The following CDC42BPB variants were observed in gnomAD, a reference collection of about 807,000 sequenced individuals.
CDC42BPB encodes serine/threonine-protein kinase MRCK beta.
In CDC42BPB, 37 loss-of-function variants were observed where a neutral mutation model predicts 214.9. The observed-to-expected ratio is 0.17, with a 90% CI of 0.13 to 0.23. CDC42BPB has a LOEUF of 0.23. CDC42BPB is among the 10% of genes least tolerant of loss of function. The pLI is 1.00. For synonymous variants in CDC42BPB, 931 were observed against 884.0 expected (o/e 1.05, Z -0.94); for missense variants, 1,694 against 2,227.0 (o/e 0.76, Z 4.82).
intron 16 of CDC42BPB, among the ~76,000 whole-genome samples, chr14:102,967,698 G>A (rs1893277151): frequency 6.6e-6 from 1 of 152,318 alleles, no homozygotes; most frequent in Admixed American, 6.5e-5. Context: ...ACACAGAAGA[G>A]GTAGAGTAAA....
Position 102,938,027 on chromosome 14 carries a change from G to A in CDC42BPB, c.5004+77C>T, listed in dbSNP as rs891031909. ...CCAAAAGGGCTGTGACACCACCCAG[G>A]GCCCCAGATCTTCGGGCTGCTTTTC... On this transcript the variant is annotated intron_variant, in intron 36 of 36. Transcript: ENST00000361246. 6.0e-5 allele frequency: 88 copies of A among 1,475,778 alleles called. No individual in the cohort carries two copies. The African/African-American group carries it at 1.0e-3, about 17-fold the overall frequency. 91.4% of individuals were successfully genotyped at this position (1,475,778 alleles called of 1,614,324 possible).
intron 5 of CDC42BPB, among the ~76,000 whole-genome samples, chr14:102,998,366 T>C (rs1324068342): frequency 6.6e-6 from 1 of 152,224 alleles, no homozygotes; most frequent in Non-Finnish European, 1.5e-5. Flanking sequence ...AAATTTACAA[T>C]AGTTACCTGA....
chr14:103,034,061 T>C (rs1315202143), intron 1 of CDC42BPB, among the ~76,000 whole-genome samples: 31 of 152,228 alleles, frequency 2.0e-4, no homozygotes, highest in Admixed American at 1.8e-3. Context: ...CTGCATCTGA[T>C]TGATACAGGC....
intron 1 of CDC42BPB, among the ~76,000 whole-genome samples, chr14:103,018,295 G>A (rs1886580055): frequency 6.6e-6 from 1 of 152,172 alleles, no homozygotes; most frequent in South Asian, 2.1e-4. Flanking sequence ...GTATTCAATG[G>A]CAAACAGCTG....
At position 102,933,600 on chromosome 14, in the gene CDC42BPB, T is replaced by C. The variant is rs1051769678; in HGVS notation, c.*112A>G. The C allele has an allele frequency of 5.4e-5, 46 of 847,152 alleles. No individual in the cohort carries two copies. Among genetic ancestry groups the C allele is most frequent in the Non-Finnish European group, 7.5e-5 (45 of 601,220 alleles). The allele number at this position is 847,152 out of a possible 1,614,324, so 52.5% of individuals were successfully genotyped here. Reference sequence around the variant, plus strand: ...AAGATTTGTCTTCTTCATCTCCATATCTACAAAGTGATTCTACATTTCCTT... The same window carrying C: ...AAGATTTGTCTTCTTCATCTCCATACCTACAAAGTGATTCTACATTTCCTT... On this transcript the variant is annotated 3_prime_UTR_variant, in exon 37 of 37. Transcript: ENST00000361246.
At chr14:103,007,804 G>A (rs532812604) in intron 3 of CDC42BPB, among the ~76,000 whole-genome samples, 1 of 142,028 alleles carries the variant, frequency 7.0e-6, no homozygotes, top group Non-Finnish European at 1.6e-5. Flanking sequence ...CAGGAAGCAG[G>A]TCAACTGGCC....
rs1310761416 is a variant in CDC42BPB at position 102,978,134 on chromosome 14, T to C, written c.1212A>G (p.Thr404=). ...GATAAATCCAGACATACCTTTCCGTTGTGAATGTAAAACCAATGAATGGCA... is the reference window on the plus strand; with the variant it reads ...GATAAATCCAGACATACCTTTCCGTCGTGAATGTAAAACCAATGAATGGCA... The part of the protein sequence containing the change: ...LHLPFIGFTF[T]TESCFSDRGS... The change falls in exon 9 of 37, where the codon ACA becomes ACG. Residue 404 remains threonine (T), a synonymous_variant. Coordinates refer to ENST00000361246, the MANE Select transcript of CDC42BPB (RefSeq NM_006035.4). 6.2e-7 allele frequency: 1 copy of C among 1,611,464 alleles called. No homozygotes were observed. Among genetic ancestry groups the C allele is most frequent in the African/African-American group, 1.3e-5 (1 of 74,854 alleles).
Position 102,932,878 on chromosome 14 carries a change from G to GGGGT in CDC42BPB, c.*833_*834insACCC, listed in dbSNP as rs1555382398. ...CTCCATGCGGGGGCAGGACTGGTGG[G>GGGGT]GGGGGGGGCGGGCAGGGCGGGGCGG... On this transcript the variant is annotated 3_prime_UTR_variant, in exon 37 of 37. Transcript: ENST00000361246. 2 of 131,148 alleles carry GGGGT rather than the reference G, an allele frequency of 1.5e-5. No homozygotes were observed. The highest frequency in any genetic ancestry group is 3.3e-5 in the Non-Finnish European group (2 of 60,878). 8.1% of individuals were successfully genotyped at this position (131,148 alleles called of 1,614,324 possible).
chr14:103,012,056 T>C (rs1440360351), intron 2 of CDC42BPB, 41 bp downstream of exon 2: 1 of 1,328,610 alleles, frequency 7.5e-7, no homozygotes, highest in Admixed American at 1.7e-5. Flanking sequence ...GCTGATGTTT[T>C]GGCAATTTAG....
chr14:102,962,657 C>T (rs532202047), intron 20 of CDC42BPB, among the ~76,000 whole-genome samples: 7 of 152,288 alleles, frequency 4.6e-5, no homozygotes, highest in Admixed American at 6.5e-5. Context: ...GCAGACCAGC[C>T]TGGCCAACGT....
rs770054487 is a variant in CDC42BPB at position 102,946,591 on chromosome 14, G to A, written c.3625C>T (p.Leu1209=). Residue 1209 remains leucine (L), a synonymous_variant, in exon 28 of 37, where the codon CTA becomes TTA. Coordinates refer to ENST00000361246, the MANE Select transcript of CDC42BPB (RefSeq NM_006035.4). ...TGAAGGATGGACTGGAGTCCTTCTA[G>A]AATCCCAACCCACTTCCTCTTTTCA... ...ENEKRKWVGI[L]EGLQSILHKN... is the part of the protein sequence containing the mutation. The A allele has an allele frequency of 3.1e-6, 5 of 1,612,794 alleles. No homozygotes were observed. The highest frequency in any genetic ancestry group is 1.3e-5 in the African/African-American group (1 of 75,048).
chr14:102,980,707 C>T (rs2139514727), intron 8 of CDC42BPB, 66 bp downstream of exon 8: 7 of 1,488,438 alleles, frequency 4.7e-6, no homozygotes, highest in Middle Eastern at 2.0e-4. Flanking sequence ...TAAGCAACGC[C>T]CTCAACACAG....
chr14:103,047,742 A>G (rs1566926519), intron 1 of CDC42BPB, among the ~76,000 whole-genome samples: 1 of 151,918 alleles, frequency 6.6e-6, no homozygotes, highest in Non-Finnish European at 1.5e-5. Flanking sequence ...TGTCTCTACT[A>G]AAATACAAAA....
At chr14:102,992,594 C>T (rs1454806627) in intron 5 of CDC42BPB, among the ~76,000 whole-genome samples, 1 of 152,110 alleles carries the variant, frequency 6.6e-6, no homozygotes, top group Non-Finnish European at 1.5e-5. Context: ...GCTGCAATAA[C>T]CTAAGAATCC....
chr14:102,967,061 G>T lies in CDC42BPB; in HGVS notation c.2456C>A (p.Ala819Glu), dbSNP rs377033153. The T allele has an allele frequency of 1.1e-5, 17 of 1,613,912 alleles. No individual in the cohort carries two copies. The highest frequency in any genetic ancestry group is 3.3e-4 in the Middle Eastern group (2 of 5,976). ...GCGCACGTACCACTGAATGATTTCC[G>T]CAATCTGAGCTTCCCAGTGGGCCAC... Reference protein sequence around the residue: ...ESVAHWEAQIAEIIQWVSDEK... With the variant: ...ESVAHWEAQIEEIIQWVSDEK... Residue 819 changes from alanine to glutamate, a missense_variant, in exon 17 of 37, where the codon GCG becomes GAG. Ala to Glu is a moderately radical substitution (Grantham distance 107). Coordinates refer to ENST00000361246, the MANE Select transcript of CDC42BPB (RefSeq NM_006035.4).
chr14:102,972,258 C>A (rs1277405490), intron 12 of CDC42BPB, 97 bp from the exon 13 acceptor site: 2 of 1,548,534 alleles, frequency 1.3e-6, no homozygotes, highest in Admixed American at 1.9e-5. Flanking sequence ...TTAAAAGCGA[C>A]AGCCAATGCT....
intron 1 of CDC42BPB, among the ~76,000 whole-genome samples, chr14:103,016,704 C>T (rs112775092): frequency 4.1e-4 from 62 of 152,226 alleles, no homozygotes; most frequent in African/African-American, 1.3e-3. Flanking sequence ...CCGTACAACA[C>T]TGGGATAGAA....
At chr14:102,974,270 GTTT>G (rs540074623) in intron 11 of CDC42BPB, 121 bp from the exon 12 acceptor site, 38 of 1,231,848 alleles carry the variant, frequency 3.1e-5, no homozygotes, top group Non-Finnish European at 3.9e-5. Flanking sequence ...TCATTCAGAG[GTTT>G]TTTTACTTAC....
rs552052385 is a variant in CDC42BPB at position 103,055,725 on chromosome 14, T to C, written c.175+1274A>G. ...TCCAACAGAAGCCCTCTAAAGAATA[T>C]TGCAACTTAAGTTTTATTTGTAAAC... On this transcript the variant is annotated intron_variant, in intron 1 of 36. Coordinates refer to ENST00000361246, the MANE Select transcript of CDC42BPB (RefSeq NM_006035.4). Among the ~76,000 whole-genome samples, 40 of 152,348 alleles carry C rather than the reference T, an allele frequency of 2.6e-4. No individual in the cohort carries two copies. The South Asian group carries it at 5.0e-3, about 19-fold the overall frequency.
Sources: allele counts gnomAD v4.1 joint callset (sites outside exome capture counted in the v4.1 genomes callset), GRCh38; gene constraint gnomAD v4.1.1; transcripts MANE v1.5; gene names NCBI Gene and HGNC (gene_info 2026-07-23, HGNC 2026-07-21).